TMPRSS6: variants seen among roughly 807,000 people sequenced by gnomAD.
TMPRSS6 encodes the protein transmembrane protease serine 6.
Under a neutral mutation model 101.5 loss-of-function variants are expected in TMPRSS6, and 67 were observed. The observed-to-expected ratio is 0.66, with a 90% CI of 0.54 to 0.81. The LOEUF (loss-of-function observed/expected upper bound fraction) is 0.81, where lower values mean the gene tolerates loss of function less well. Ranked by LOEUF, TMPRSS6 falls within the 30% of genes least tolerant of loss-of-function variation. The pLI, the probability that TMPRSS6 is intolerant of heterozygous loss-of-function variation, is 0.00. For synonymous variants in TMPRSS6, 453 were observed against 464.9 expected (o/e 0.97, Z 0.33); for missense variants, 1,034 against 1,088.7 (o/e 0.95, Z 0.71).
chr22:37,103,230 A>G lies in TMPRSS6; in HGVS notation c.188T>C (p.Leu63Pro), dbSNP rs868723017. Residue 63 changes from leucine to proline, a missense_variant, in exon 2 of 18, where the codon CTC (leucine) becomes CCC (proline). Transcript: ENST00000676104. The surrounding 1 kb of genome is among the most constrained non-coding windows in gnomAD (Gnocchi z 4.4). Reference sequence around the variant, plus strand: ...CACAACGTTACCTAGGAAATACCAGAGTAGCACCCCCGCCGAAGCCAGCAC... The same window carrying G: ...CACAACGTTACCTAGGAAATACCAGGGTAGCACCCCCGCCGAAGCCAGCAC... ...LLVLASAGVLLWYFLGYKAEV... is the reference protein window; with the variant it reads ...LLVLASAGVLPWYFLGYKAEV... 2 of 1,613,970 alleles carry G rather than the reference A, an allele frequency of 1.2e-6. No individual in the cohort carries two copies. Among genetic ancestry groups the G allele is most frequent in the Middle Eastern group, 3.3e-4 (2 of 6,062 alleles).
intron 2 of TMPRSS6, among the ~76,000 whole-genome samples, chr22:37,100,029 T>G (rs1193242982): frequency 6.6e-6 from 1 of 152,194 alleles, no homozygotes; most frequent in African/African-American, 2.4e-5. Context: ...GTGCAATGGC[T>G]CAATCTCCGC....
At chr22:37,107,763 G>T (rs1413810052) in intron 1 of TMPRSS6, among the ~76,000 whole-genome samples, 1 of 152,098 alleles carries the variant, frequency 6.6e-6, no homozygotes, top group African/African-American at 2.4e-5. Flanking sequence ...TGGCCTCGTG[G>T]CTCCCTCCTT....
intron 10 of TMPRSS6, among the ~76,000 whole-genome samples, chr22:37,078,944 AGAAG>A (rs1409091993): frequency 1.3e-4 from 17 of 135,814 alleles, no homozygotes; most frequent in Middle Eastern, 3.6e-3. Context: ...AAGGAGAAGG[AGAAG>A]GAGAAAAAGA....
chr22:37,090,818 G>C (rs778800686), intron 6 of TMPRSS6, among the ~76,000 whole-genome samples: 74 of 152,182 alleles, frequency 4.9e-4, no homozygotes, highest in Admixed American at 1.2e-3. Context: ...TTGCACAGTA[G>C]GGGCTCAATA....
intron 10 of TMPRSS6, chr22:37,083,227 G>A (rs1440630347): frequency 8.0e-6 from 3 of 374,764 alleles, no homozygotes; most frequent in Admixed American, 3.8e-5. Flanking sequence ...CTGACACGAT[G>A]ACCGTTTTCA....
At chr22:37,072,164 TGGATGAAC>T (rs1222686685) in intron 13 of TMPRSS6, among the ~76,000 whole-genome samples, 1 of 140,358 alleles carries the variant, frequency 7.1e-6, no homozygotes, top group Admixed American at 7.1e-5. Context: ...GGATGGATGA[TGGATGAAC>T]GGATGATGGA....
chr22:37,070,384 C>CGGG, intron 15 of TMPRSS6, 100 bp downstream of exon 15: 3 of 1,494,586 alleles, frequency 2.0e-6, no homozygotes, highest in Non-Finnish European at 2.8e-6. Flanking sequence ...GTCCACCACC[C>CGGG]TTCCCTCTAT....
At chr22:37,094,384 T>C (rs192202425) in intron 6 of TMPRSS6, among the ~76,000 whole-genome samples, 22 of 97,834 alleles carry the variant, frequency 2.2e-4, no homozygotes, top group Middle Eastern at 5.4e-3. Flanking sequence ...TGATTGATGA[T>C]AGATAGATAG....
chr22:37,086,488 C>G, intron 7 of TMPRSS6, 69 bp from the exon 8 acceptor site: 5 of 1,290,324 alleles, frequency 3.9e-6, no homozygotes, highest in Non-Finnish European at 4.3e-6. Flanking sequence ...GGGCGGCAGG[C>G]GGCTGCTGGG....
chr22:37,072,619 CG>C (rs1927167139), intron 13 of TMPRSS6, among the ~76,000 whole-genome samples: 1 of 130,344 alleles, frequency 7.7e-6, no homozygotes, highest in African/African-American at 3.0e-5. Context: ...GGATGATGGA[CG>C]ATGGATGGAT....
chr22:37,103,543 G>T lies in TMPRSS6; in HGVS notation c.-1-125C>A, dbSNP rs891393464. 4 of 1,613,918 alleles carry T rather than the reference G, an allele frequency of 2.5e-6. No homozygotes were observed. The highest frequency in any genetic ancestry group is 2.2e-5 in the East Asian group (1 of 44,902). ...TGGAGTGGAAGAGTAACAACATCAG[G>T]CGGCAGTGACTGCAAGTGGGTGCCG... On this transcript the variant is annotated intron_variant, in intron 1 of 17. Transcript: ENST00000676104. The surrounding 1 kb of genome is among the most constrained non-coding windows in gnomAD (Gnocchi z 4.4).
Position 37,074,666 on chromosome 22 carries a change from A to T in TMPRSS6, c.1385T>A (p.Val462Asp). 1 of 1,614,168 alleles carries T rather than the reference A, an allele frequency of 6.2e-7. No individual in the cohort carries two copies. The highest frequency in any genetic ancestry group is 2.2e-5 in the East Asian group (1 of 44,882). The change falls in exon 12 of 18, where the codon GTC becomes GAC. Residue 462 changes from valine to aspartate, a missense_variant. Transcript: ENST00000676104. ...EFLCSVNGLC[V>D]PACDGVKDCP... ...GTCCTTGACCCCATCACAGGCAGGG[A>T]CACAGAGTCCATTCACAGAACAGAG...
At chr22:37,077,669 CA>C (rs1927789933) in intron 10 of TMPRSS6, among the ~76,000 whole-genome samples, 1 of 152,174 alleles carries the variant, frequency 6.6e-6, no homozygotes, top group Non-Finnish European at 1.5e-5. Context: ...TGTAAAATGA[CA>C]GCACTCTTGT....
At chr22:37,078,994 A>G (rs1928024124) in intron 10 of TMPRSS6, among the ~76,000 whole-genome samples, 1 of 151,016 alleles carries the variant, frequency 6.6e-6, no homozygotes, top group Non-Finnish European at 1.5e-5. Context: ...AGAAAGAAAG[A>G]AAGAAAGAAA....
chr22:37,103,634 T>C lies in TMPRSS6; in HGVS notation c.-1-216A>G. 2 of 1,575,090 alleles carry C rather than the reference T, an allele frequency of 1.3e-6. No homozygotes were observed. The highest frequency in any genetic ancestry group is 1.1e-5 in the South Asian group (1 of 90,216). ...CGCACCAGAGGGCAGGCACCAGAGC[T>C]GGACTGGGTCTGGCTCAAGAACCCC... On this transcript the variant is annotated intron_variant, in intron 1 of 17. Transcript: ENST00000676104. This position sits in a 1 kb window ranked among gnomAD's most constrained non-coding sequence, Gnocchi z 4.4.
At chr22:37,105,161 G>A (rs931583290) in intron 1 of TMPRSS6, among the ~76,000 whole-genome samples, 1 of 151,996 alleles carries the variant, frequency 6.6e-6, no homozygotes, top group Admixed American at 6.6e-5. Flanking sequence ...CCTTGGCATC[G>A]TTCCCAGCTA....
chr22:37,096,922 C>T (rs1929816445), intron 3 of TMPRSS6, among the ~76,000 whole-genome samples: 1 of 152,108 alleles, frequency 6.6e-6, no homozygotes, highest in Non-Finnish European at 1.5e-5. Flanking sequence ...CTTTCTGTTT[C>T]CACTACACCC....
At chr22:37,077,174 A>C (rs979929640) in intron 10 of TMPRSS6, among the ~76,000 whole-genome samples, 3 of 152,182 alleles carry the variant, frequency 2.0e-5, no homozygotes, top group African/African-American at 7.2e-5. Flanking sequence ...ACCTCCACCC[A>C]GGGAGGGAGG....
At position 37,069,851 on chromosome 22, in the gene TMPRSS6, G is replaced by A. The variant is rs376447415; in HGVS notation, c.1842-507C>T. On this transcript the variant is annotated intron_variant, in intron 15 of 17. Coordinates refer to ENST00000676104, the MANE Select transcript of TMPRSS6 (RefSeq NM_001374504.1). The surrounding 1 kb of genome is among the most constrained non-coding windows in gnomAD (Gnocchi z 4.8). ...CCTGGGTGGCAGATGGGCAGCCTTC[G>A]GGTCTCTACCCTCTACCTGAGGGCA... Among the ~76,000 whole-genome samples the A allele has an allele frequency of 3.7e-4, 57 of 152,298 alleles. 4 individuals carry two copies. Among genetic ancestry groups the A allele is most frequent in the East Asian group, 2.9e-3 (15 of 5,186 alleles).
Sources: gnomAD v4.1 joint callset for allele counts (sites outside exome capture counted in the v4.1 genomes callset) on GRCh38, gnomAD v4.1.1 for gene constraint, Gnocchi (gnomAD v3.1) non-coding constraint, MANE v1.5 for transcripts, NCBI Gene and HGNC (gene_info 2026-07-23, HGNC 2026-07-21) for gene names.